Variants in SLC14A2 observed in about 807,000 individuals in gnomAD.
The protein encoded by SLC14A2 is urea transporter 2.
SLC14A2 carries 91 observed loss-of-function variants against 104.6 expected under a neutral mutation model. The ratio of observed to expected loss-of-function variants is 0.87; its 90% CI spans 0.73 to 1.04. The LOEUF (loss-of-function observed/expected upper bound fraction) is 1.04. Among genes scored for constraint, SLC14A2 ranks in the 50% least tolerant of loss-of-function variants. SLC14A2 has a pLI of 0.00. For synonymous variants in SLC14A2, 476 were observed against 466.4 expected (o/e 1.02, Z -0.27); for missense variants, 1,189 against 1,156.0 (o/e 1.03, Z -0.41).
intron 1 of SLC14A2, among the ~76,000 whole-genome samples, chr18:45,441,628 C>A (rs1026899857): frequency 6.6e-6 from 1 of 152,170 alleles, no homozygotes; most frequent in African/African-American, 2.4e-5. Context: ...TGCACGCATG[C>A]CCATACATGT....
intron 1 of SLC14A2, among the ~76,000 whole-genome samples, chr18:45,412,157 A>G (rs1306126528): frequency 1.3e-5 from 2 of 152,196 alleles, no homozygotes; most frequent in African/African-American, 4.8e-5. Flanking sequence ...GCTGCTGAAC[A>G]ACTGAATGAA....
chr18:45,518,364 A>G (rs1354185319), intron 2 of SLC14A2, among the ~76,000 whole-genome samples: 1 of 151,704 alleles, frequency 6.6e-6, no homozygotes, highest in Non-Finnish European at 1.5e-5. Flanking sequence ...CCCAGTGTCA[A>G]ACTCCATCTA....
chr18:45,493,003 AT>A (rs1364513634), intron 2 of SLC14A2: 2 of 152,262 alleles, frequency 1.3e-5, no homozygotes, highest in Middle Eastern at 3.4e-3. Context: ...TTGGTTCTAT[AT>A]CTATGTTCCA....
At chr18:45,411,462 G>A (rs1037432770) in intron 1 of SLC14A2, among the ~76,000 whole-genome samples, 11 of 152,114 alleles carry the variant, frequency 7.2e-5, no homozygotes, top group Admixed American at 4.6e-4. Flanking sequence ...AAGGGATATC[G>A]TTTTTCACCT....
At chr18:45,579,355 A>C (rs147750293) in intron 2 of SLC14A2, among the ~76,000 whole-genome samples, 22 of 152,328 alleles carry the variant, frequency 1.4e-4, no homozygotes, top group African/African-American at 4.8e-4. Context: ...ATCTTTGAAG[A>C]AACACACAAC....
At chr18:45,402,785 G>A (rs2144458850) in intron 1 of SLC14A2, among the ~76,000 whole-genome samples, 1 of 152,216 alleles carries the variant, frequency 6.6e-6, no homozygotes, top group East Asian at 1.9e-4. Flanking sequence ...CAGATCTCTT[G>A]GATGAATCTA....
At chr18:45,578,443 G>A (rs1055783402) in intron 2 of SLC14A2, among the ~76,000 whole-genome samples, 1 of 152,188 alleles carries the variant, frequency 6.6e-6, no homozygotes, top group Non-Finnish European at 1.5e-5. Context: ...TGTATATTTT[G>A]GGAGTGGTTG....
chr18:45,375,960 G>A (rs2085770050), intron 1 of SLC14A2, among the ~76,000 whole-genome samples: 1 of 152,196 alleles, frequency 6.6e-6, no homozygotes, highest in African/African-American at 2.4e-5. Flanking sequence ...GACAAGCTGG[G>A]AAACTCTGGA....
chr18:45,353,640 C>T (rs563770572), intron 1 of SLC14A2, among the ~76,000 whole-genome samples: 3 of 152,292 alleles, frequency 2.0e-5, no homozygotes, highest in South Asian at 2.1e-4. Flanking sequence ...CCCACCACAT[C>T]GTTAAGCCTC....
chr18:45,642,814 C>T (rs552419881), intron 8 of SLC14A2, among the ~76,000 whole-genome samples: 2 of 152,326 alleles, frequency 1.3e-5, no homozygotes, highest in East Asian at 1.9e-4. Flanking sequence ...CTACCATCAG[C>T]GTAGACTAGC....
intron 2 of SLC14A2, among the ~76,000 whole-genome samples, chr18:45,549,532 G>A (rs989629032): frequency 3.9e-5 from 6 of 152,186 alleles, no homozygotes; most frequent in East Asian, 3.9e-4. Flanking sequence ...GAAGAAATCC[G>A]TTCTACCTCA....
intron 2 of SLC14A2, among the ~76,000 whole-genome samples, chr18:45,598,045 T>C (rs1469568836): frequency 6.6e-6 from 1 of 151,938 alleles, no homozygotes; most frequent in East Asian, 1.9e-4. Flanking sequence ...CCAATACATT[T>C]TGCATTTTAC....
intron 1 of SLC14A2, among the ~76,000 whole-genome samples, chr18:45,452,564 C>T (rs752742693): frequency 2.6e-5 from 4 of 152,144 alleles, no homozygotes; most frequent in Admixed American, 6.5e-5. Flanking sequence ...AGAAATTAGG[C>T]CTTTAAAAAG....
chr18:45,643,417 C>T (rs529173717), intron 9 of SLC14A2, among the ~76,000 whole-genome samples: 2 of 152,300 alleles, frequency 1.3e-5, no homozygotes, highest in East Asian at 3.9e-4. Context: ...ATGTAACTAG[C>T]AGTGGAAAAC....
the SLC14A2 span, among the ~76,000 whole-genome samples, chr18:45,184,700 T>A: frequency 6.6e-6 from 1 of 152,240 alleles, no homozygotes; most frequent in African/African-American, 2.4e-5. Flanking sequence ...AAACAAGGCA[T>A]AAGTAGTAAA....
chr18:45,231,848 C>T (rs978366506), intron 1 of SLC14A2, among the ~76,000 whole-genome samples: 4 of 152,070 alleles, frequency 2.6e-5, no homozygotes, highest in Admixed American at 1.3e-4. Context: ...CCCCTGCTGT[C>T]CTTATGGAGT....
At chr18:45,280,899 C>T (rs1443522570) in intron 1 of SLC14A2, among the ~76,000 whole-genome samples, 1 of 152,118 alleles carries the variant, frequency 6.6e-6, no homozygotes, top group Non-Finnish European at 1.5e-5. Context: ...ATCGCTGTGC[C>T]TTTATCTTTC....
At chr18:45,358,680 C>G (rs1355011020) in intron 1 of SLC14A2, among the ~76,000 whole-genome samples, 1 of 152,172 alleles carries the variant, frequency 6.6e-6, no homozygotes, top group Admixed American at 6.5e-5. Flanking sequence ...TAGGCTCAAG[C>G]AATCCTGCCG....
chr18:45,468,308 C>A (rs1334297214), intron 1 of SLC14A2, among the ~76,000 whole-genome samples: 23 of 151,966 alleles, frequency 1.5e-4, no homozygotes, highest in Non-Finnish European at 5.9e-5. Flanking sequence ...AAGGAAGAGG[C>A]AGTATCTTCA....
Sources: gnomAD v4.1 joint callset for allele counts (sites outside exome capture counted in the v4.1 genomes callset) on GRCh38, gnomAD v4.1.1 for gene constraint, MANE v1.5 for transcripts, NCBI Gene and HGNC (gene_info 2026-07-23, HGNC 2026-07-21) for gene names.